GPC5: variants seen among roughly 807,000 people sequenced by gnomAD.
GPC5 encodes glypican-5.
Under a neutral mutation model 53.9 loss-of-function variants are expected in GPC5, and 47 were observed. That is an observed-to-expected ratio of 0.87 (90% CI 0.69 to 1.11). The LOEUF is 1.11. Among genes scored for constraint, GPC5 ranks in the 50% most tolerant of loss-of-function variants. The pLI, the probability that GPC5 is intolerant of heterozygous loss-of-function variation, is 0.00. For missense variants in GPC5, 748 were observed against 713.1 expected (o/e 1.05, Z -0.56); for synonymous variants, 286 against 263.3 (o/e 1.09, Z -0.84).
At chr13:91,854,714 A>G (rs1469174848) in intron 5 of GPC5, among the ~76,000 whole-genome samples, 1 of 151,870 alleles carries the variant, frequency 6.6e-6, no homozygotes, top group Non-Finnish European at 1.5e-5. Context: ...TTTTTAATAA[A>G]TAACTTAATA....
At chr13:92,839,148 C>T (rs929381799) in intron 7 of GPC5, among the ~76,000 whole-genome samples, 1 of 152,224 alleles carries the variant, frequency 6.6e-6, no homozygotes, top group Non-Finnish European at 1.5e-5. Flanking sequence ...GTGCTACTAA[C>T]TGACCAATTG....
intron 2 of GPC5, among the ~76,000 whole-genome samples, chr13:91,520,486 G>T (rs931987564): frequency 4.6e-5 from 7 of 152,108 alleles, no homozygotes; most frequent in Non-Finnish European, 1.0e-4. Context: ...GAGAGAATGA[G>T]GTTCAACAAG....
chr13:92,761,476 C>T (rs1404428061), intron 7 of GPC5, among the ~76,000 whole-genome samples: 1 of 152,096 alleles, frequency 6.6e-6, no homozygotes, highest in Non-Finnish European at 1.5e-5. Context: ...ACAAAGAAAT[C>T]ATTACCTATT....
chr13:92,477,640 C>A (rs1231330374), intron 7 of GPC5, among the ~76,000 whole-genome samples: 1 of 151,850 alleles, frequency 6.6e-6, no homozygotes, highest in Non-Finnish European at 1.5e-5. Flanking sequence ...CCAAAACCTG[C>A]CCCATGTAAA....
In GPC5 at chr13:91,455,726, A is replaced by G. The variant is rs1299447606; in HGVS notation, c.325+6804A>G. The stretch of plus-strand genomic sequence containing the variant: ...CACATCCCAAGGCTTGCAGTCACAT[A>G]GTCACTCCTACCTCTGCTCCCTTGC... On this transcript the variant is annotated intron_variant, in intron 2 of 7. Coordinates refer to ENST00000377067, the MANE Select transcript of GPC5 (RefSeq NM_004466.6). 2.6e-5 allele frequency among the ~76,000 whole-genome samples: 4 copies of G among 152,102 alleles called. 1 individual carries two copies. The highest frequency in any genetic ancestry group is 4.4e-5 in the Non-Finnish European group (3 of 67,990).
At chr13:91,571,963 GTA>G (rs771216025) in intron 2 of GPC5, among the ~76,000 whole-genome samples, 4 of 137,040 alleles carry the variant, frequency 2.9e-5, no homozygotes, top group Non-Finnish European at 3.1e-5. Context: ...ACACATATAT[GTA>G]TATATGTGTA....
intron 3 of GPC5, among the ~76,000 whole-genome samples, chr13:91,721,470 C>T (rs1477046502): frequency 6.6e-6 from 1 of 152,182 alleles, no homozygotes; most frequent in Non-Finnish European, 1.5e-5. Context: ...GCATACATCT[C>T]TCCAAATGAC....
intron 7 of GPC5, chr13:92,446,919 T>C (rs947941464): frequency 2.0e-5 from 3 of 152,182 alleles, no homozygotes; most frequent in African/African-American, 7.2e-5. Context: ...TGTTTTCCAT[T>C]TGTATGTCTT....
Position 92,866,306 on chromosome 13 carries a change from G to A in GPC5, c.1586G>A (p.Ser529Asn), listed in dbSNP as rs767384122. 2 of 1,611,988 alleles carry A rather than the reference G, an allele frequency of 1.2e-6. No individual in the cohort carries two copies. The highest frequency in any genetic ancestry group is 1.7e-6 in the Non-Finnish European group (2 of 1,178,696). The change falls in exon 8 of 8, where the codon AGT becomes AAT. Residue 529 changes from serine to asparagine, a missense_variant. By Grantham distance (46) the Ser-to-Asn change is conservative. Transcript: ENST00000377067. ...TDWMPDDMNFSDVKQIHQTDT... is the reference protein window; with the variant it reads ...TDWMPDDMNFNDVKQIHQTDT... ...GGGATGCCAGATGATATGAACTTCA[G>A]TGATGTAAAGCAAATCCATCAAACA...
chr13:91,767,870 A>C (rs370458213), intron 5 of GPC5, among the ~76,000 whole-genome samples: 92 of 152,312 alleles, frequency 6.0e-4, no homozygotes, highest in Middle Eastern at 3.4e-3. Flanking sequence ...ATTTCATCAC[A>C]GTTCTATAGA....
intron 7 of GPC5, among the ~76,000 whole-genome samples, chr13:92,610,030 CAAAAAAA>C (rs56913637): frequency 8.5e-5 from 6 of 70,834 alleles, no homozygotes; most frequent in South Asian, 7.4e-4. Context: ...GACTCCATCT[CAAAAAAA>C]AAAAAAAAAA....
At chr13:92,081,082 C>A (rs1477463646) in intron 6 of GPC5, among the ~76,000 whole-genome samples, 1 of 152,150 alleles carries the variant, frequency 6.6e-6, no homozygotes, top group Non-Finnish European at 1.5e-5. Context: ...CTATCTCACC[C>A]ACTGGTATAT....
Position 92,202,506 on chromosome 13 carries a change from G to GT in GPC5, c.1561+57522dup, listed in dbSNP as rs576137502. Among the ~76,000 whole-genome samples the GT allele has an allele frequency of 2.1e-4, 32 of 152,290 alleles. No individual in the cohort carries two copies. In the South Asian group the frequency reaches 6.6e-3, roughly 32 times the overall value. On this transcript the variant is annotated intron_variant, in intron 7 of 7. Transcript: ENST00000377067. ...TGAAGCATTATCATTTTGATGTAGTGTTTTTAGACCAAACGTTGTAACTAG... is the reference window on the plus strand; with the variant it reads ...TGAAGCATTATCATTTTGATGTAGTGTTTTTTAGACCAAACGTTGTAACTAG...
intron 7 of GPC5, among the ~76,000 whole-genome samples, chr13:92,711,332 G>T (rs1420250693): frequency 6.6e-6 from 1 of 152,070 alleles, no homozygotes; most frequent in African/African-American, 2.4e-5. Context: ...CAAAATACTT[G>T]CCTCAACTTG....
At chr13:91,419,503 G>A (rs1278267846) in intron 1 of GPC5, among the ~76,000 whole-genome samples, 5 of 152,092 alleles carry the variant, frequency 3.3e-5, no homozygotes, top group Non-Finnish European at 7.4e-5. Context: ...GTGATTCACA[G>A]CCATTATTAG....
intron 7 of GPC5, among the ~76,000 whole-genome samples, chr13:92,532,143 T>C (rs779335775): frequency 7.9e-5 from 12 of 152,178 alleles, no homozygotes; most frequent in Non-Finnish European, 1.5e-4. Context: ...TATTGCCCTG[T>C]TTCTTAAGTC....
intron 7 of GPC5, among the ~76,000 whole-genome samples, chr13:92,332,039 A>G (rs1210590849): frequency 6.6e-6 from 1 of 152,162 alleles, no homozygotes; most frequent in Non-Finnish European, 1.5e-5. Flanking sequence ...ATAGCACTAA[A>G]AATCTTTAAA....
intron 2 of GPC5, among the ~76,000 whole-genome samples, chr13:91,689,178 T>TATATAA (rs1363586886): frequency 2.7e-5 from 2 of 73,536 alleles, no homozygotes; most frequent in African/African-American, 1.1e-4. Flanking sequence ...CAAAAAATCA[T>TATATAA]ATATAAATAT....
At chr13:92,400,733 A>G (rs960505151) in intron 7 of GPC5, among the ~76,000 whole-genome samples, 2 of 152,226 alleles carry the variant, frequency 1.3e-5, no homozygotes, top group African/African-American at 2.4e-5. Flanking sequence ...TGATTCTGCT[A>G]GTAAGGGTTC....
Sources: gnomAD v4.1 joint callset for allele counts (sites outside exome capture counted in the v4.1 genomes callset) on GRCh38, gnomAD v4.1.1 for gene constraint, MANE v1.5 for transcripts, NCBI Gene and HGNC (gene_info 2026-07-23, HGNC 2026-07-21) for gene names.